The following TNFRSF10B variants were observed in gnomAD, a reference collection of about 807,000 sequenced individuals.
The protein encoded by TNFRSF10B is tumor necrosis factor receptor superfamily member 10B.
TNFRSF10B carries 35 observed loss-of-function variants against 41.4 expected under a neutral mutation model. The ratio of observed to expected loss-of-function variants is 0.85; its 90% CI spans 0.65 to 1.12. The LOEUF (loss-of-function observed/expected upper bound fraction) is 1.12. Ranked by LOEUF, TNFRSF10B falls within the 50% of genes most tolerant of loss-of-function variation. TNFRSF10B has a pLI of 0.00. For synonymous variants in TNFRSF10B, 230 were observed against 215.5 expected (o/e 1.07, Z -0.59); for missense variants, 584 against 552.7 (o/e 1.06, Z -0.57).
chr8:23,068,657 G>A, intron 1 of TNFRSF10B, 94 bp downstream of exon 1: 16 of 1,493,190 alleles, frequency 1.1e-5, no homozygotes, highest in Admixed American at 2.3e-5. Flanking sequence ...CAGGCGACCC[G>A]GGCCACGCAC....
At chr8:23,034,322 C>T (rs1811968200) in intron 2 of TNFRSF10B, among the ~76,000 whole-genome samples, 1 of 152,194 alleles carries the variant, frequency 6.6e-6, no homozygotes, top group African/African-American at 2.4e-5. Flanking sequence ...TACTCAGCAG[C>T]TGGCACAATC....
chr8:23,057,473 C>T (rs1438013269), intron 1 of TNFRSF10B, among the ~76,000 whole-genome samples: 2 of 145,068 alleles, frequency 1.4e-5, no homozygotes, highest in African/African-American at 5.2e-5. Context: ...CACTCTGTTG[C>T]CCAGGCTAGA....
In TNFRSF10B at chr8:23,020,973, C is replaced by T. The variant is rs1227264583; in HGVS notation, c.*1698G>A. 1 of 454,114 alleles carries T rather than the reference C, an allele frequency of 2.2e-6. No homozygotes were observed. The highest frequency in any genetic ancestry group is 1.6e-5 in the South Asian group (1 of 64,480). 28.1% of individuals were successfully genotyped at this position (454,114 alleles called of 1,614,324 possible). On this transcript the variant is annotated 3_prime_UTR_variant, in exon 9 of 9. Transcript: ENST00000276431. Reference sequence around the variant, plus strand: ...AAGACCAGAAAGGTCACCCCCCACTCCTAAAACTCCACAGACACAACAGTC... The same window carrying T: ...AAGACCAGAAAGGTCACCCCCCACTTCTAAAACTCCACAGACACAACAGTC...
intron 2 of TNFRSF10B, among the ~76,000 whole-genome samples, chr8:23,041,956 G>A (rs900889587): frequency 4.6e-5 from 7 of 152,080 alleles, no homozygotes; most frequent in Non-Finnish European, 8.8e-5. Context: ...TCAAGACAGC[G>A]GCTTCAAGCA....
intron 4 of TNFRSF10B, among the ~76,000 whole-genome samples, chr8:23,028,915 G>A (rs1428099508): frequency 6.6e-6 from 1 of 152,224 alleles, no homozygotes; most frequent in Admixed American, 6.5e-5. Context: ...CACACTCCAG[G>A]GGAAGGTCAC....
intron 1 of TNFRSF10B, among the ~76,000 whole-genome samples, chr8:23,057,556 C>T (rs1812709189): frequency 6.6e-6 from 1 of 151,878 alleles, no homozygotes; most frequent in Non-Finnish European, 1.5e-5. Flanking sequence ...CCTTAGCCTC[C>T]CCAGTAGCTG....
At chr8:23,032,637 T>C (rs761869854) in intron 2 of TNFRSF10B, among the ~76,000 whole-genome samples, 1 of 152,244 alleles carries the variant, frequency 6.6e-6, no homozygotes, top group Admixed American at 6.5e-5. Flanking sequence ...TTTTGATCTA[T>C]GAACATGGAA....
chr8:23,056,822 T>C (rs191139521), intron 1 of TNFRSF10B, among the ~76,000 whole-genome samples: 115 of 152,268 alleles, frequency 7.6e-4, no homozygotes, highest in African/African-American at 2.1e-3. Context: ...CTAGACATTG[T>C]TATCTATTTC....
chr8:23,021,223 C>CCTTA lies in TNFRSF10B; in HGVS notation c.*1444_*1447dup. 4.4e-6 allele frequency: 2 copies of CCTTA among 454,076 alleles called. No individual in the cohort carries two copies. The highest frequency in any genetic ancestry group is 3.1e-5 in the South Asian group (2 of 64,472). 28.1% of individuals were successfully genotyped at this position (454,076 alleles called of 1,614,324 possible). On this transcript the variant is annotated 3_prime_UTR_variant, in exon 9 of 9. Transcript: ENST00000276431. ...AATAGAACAGGACACAAGAAGAAAA[C>CCTTA]CTTAATGCGTCAGCCATTCTAGGTC...
intron 1 of TNFRSF10B, among the ~76,000 whole-genome samples, chr8:23,045,088 G>C (rs1488919992): frequency 3.5e-5 from 5 of 142,646 alleles, no homozygotes; most frequent in African/African-American, 1.3e-4. Flanking sequence ...AAAAAAGCCA[G>C]GCATGGAGGT....
intron 6 of TNFRSF10B, 61 bp from the exon 7 acceptor site, chr8:23,027,349 G>T (rs1811733960): frequency 1.9e-6 from 3 of 1,602,014 alleles, no homozygotes; most frequent in Non-Finnish European, 1.7e-6. Flanking sequence ...AGGGCTCGCT[G>T]CAGGGTCCTC....
rs746434302 is a variant in TNFRSF10B at position 23,027,162 on chromosome 8, A to T, written c.907T>A (p.Leu303Met). The T allele has an allele frequency of 3.1e-6, 5 of 1,614,082 alleles. No individual in the cohort carries two copies. The highest frequency in any genetic ancestry group is 4.2e-6 in the Non-Finnish European group (5 of 1,180,030). The part of the protein sequence containing the change: ...EPAEPTGVNM[L>M]SPGESEHLLE... ...AGATGCTCTGACTCCCCGGGGGACA[A>T]CATGTTGACACCTGTTGGCTCTGCT... The change falls in exon 7 of 9, where the codon TTG becomes ATG. Residue 303 changes from leucine (L) to methionine (M), a missense_variant. By Grantham distance (15) the Leu-to-Met change is conservative. Transcript: ENST00000276431.
intron 1 of TNFRSF10B, among the ~76,000 whole-genome samples, chr8:23,053,841 T>C (rs1812588883): frequency 6.6e-6 from 1 of 152,246 alleles, no homozygotes; most frequent in Admixed American, 6.5e-5. Context: ...TGAAATGGTG[T>C]TTGGCTTTCT....
intron 2 of TNFRSF10B, among the ~76,000 whole-genome samples, chr8:23,037,778 G>C (rs976868421): frequency 2.0e-5 from 3 of 152,194 alleles, no homozygotes; most frequent in Admixed American, 1.3e-4. Context: ...TTCTCCAGGA[G>C]ACTGTCTATG....
intron 1 of TNFRSF10B, among the ~76,000 whole-genome samples, chr8:23,046,866 C>T (rs1812380449): frequency 2.0e-5 from 3 of 152,016 alleles, no homozygotes; most frequent in South Asian, 4.2e-4. Context: ...AAAAAAGTCT[C>T]CACAATAAAT....
chr8:23,067,929 G>A (rs990990804), intron 1 of TNFRSF10B, among the ~76,000 whole-genome samples: 3 of 152,158 alleles, frequency 2.0e-5, no homozygotes, highest in Admixed American at 2.0e-4. Context: ...CTGGCCCCAA[G>A]CGCAGTTCCA....
intron 1 of TNFRSF10B, among the ~76,000 whole-genome samples, chr8:23,048,825 C>T (rs998385323): frequency 7.2e-5 from 11 of 152,094 alleles, no homozygotes; most frequent in African/African-American, 2.7e-4. Context: ...CTTGAACGTT[C>T]GCCTGGGCTC....
intron 2 of TNFRSF10B, among the ~76,000 whole-genome samples, chr8:23,038,177 G>T (rs1346939548): frequency 1.3e-5 from 2 of 152,200 alleles, no homozygotes; most frequent in African/African-American, 4.8e-5. Flanking sequence ...CTAGAATACA[G>T]GAGATTCCTT....
At chr8:23,033,671 G>GCTACTTA (rs975635634) in intron 2 of TNFRSF10B, among the ~76,000 whole-genome samples, 7 of 145,710 alleles carry the variant, frequency 4.8e-5, no homozygotes, top group Admixed American at 1.4e-4. Flanking sequence ...CTGGTACGCA[G>GCTACTTA]CTACTTAGGC....
Sources: allele counts gnomAD v4.1 joint callset (sites outside exome capture counted in the v4.1 genomes callset), GRCh38; gene constraint gnomAD v4.1.1; transcripts MANE v1.5; gene names NCBI Gene and HGNC (gene_info 2026-07-23, HGNC 2026-07-21).